Variants in XPO1 observed in about 807,000 individuals in gnomAD.
XPO1 encodes exportin-1.
Under a neutral mutation model 133.3 loss-of-function variants are expected in XPO1, and 5 were observed. That is an observed-to-expected ratio of 0.04 (90% CI 0.02 to 0.08). The LOEUF (loss-of-function observed/expected upper bound fraction) is 0.08. Ranked by LOEUF, XPO1 falls within the 10% of genes least tolerant of loss-of-function variation. The pLI is 1.00. For synonymous variants in XPO1, 419 were observed against 408.2 expected, an observed-to-expected ratio of 1.03 and a Z score of -0.32; for missense variants, 506 against 1,267.5, an observed-to-expected ratio of 0.40 and a Z score of 9.12.
At chr2:61,533,478 A>T (rs1699245882) in intron 2 of XPO1, among the ~76,000 whole-genome samples, 1 of 152,220 alleles carries the variant, frequency 6.6e-6, no homozygotes, top group Non-Finnish European at 1.5e-5. Context: ...TATTAGTGCC[A>T]AACATATTAA....
intron 3 of XPO1, chr2:61,525,838 G>A (rs1698886073): frequency 9.6e-7 from 1 of 1,042,874 alleles, no homozygotes; most frequent in South Asian, 4.6e-5. Context: ...GTATTAAACA[G>A]AATGCCATAG....
intron 12 of XPO1, chr2:61,493,448 A>C: frequency 5.2e-6 from 1 of 192,616 alleles, no homozygotes; most frequent in Non-Finnish European, 1.1e-5. Flanking sequence ...TCAAGATTGT[A>C]GTGAGCTATG....
At position 61,499,769 on chromosome 2, in the gene XPO1, T is replaced by C. The variant is rs1019990506; in HGVS notation, c.534A>G (p.Val178=). The change falls in exon 7 of 25, where the codon GTA becomes GTG. Residue 178 remains valine, a synonymous_variant. Coordinates refer to ENST00000401558, the MANE Select transcript of XPO1 (RefSeq NM_003400.4). The part of the protein sequence containing the change: ...MVILKLLSEE[V]FDFSSGQITQ... The stretch of plus-strand genomic sequence containing the variant: ...TTATCTGTCCACTAGAGAAATCAAA[T>C]ACTTCTTCACTCAAGAGTTTAAGAA... The C allele has an allele frequency of 9.3e-5, 150 of 1,611,570 alleles. 9 individuals carry two copies. Among genetic ancestry groups the C allele is most frequent in the African/African-American group, 1.3e-5 (1 of 74,856 alleles).
intron 17 of XPO1, among the ~76,000 whole-genome samples, chr2:61,489,701 G>A (rs1406336997): frequency 1.3e-5 from 2 of 149,298 alleles, no homozygotes; most frequent in South Asian, 2.1e-4. Context: ...ACTTACAGGC[G>A]CCCGCCGCCA....
chr2:61,537,555 G>T lies in XPO1; in HGVS notation c.-7+7C>A. ...GACCCTCGGCCCCGAAGACACAGTC[G>T]ACTTACCCAGAGATTGAACCAACTG... On this transcript the variant is annotated splice_region_variant and intron_variant, in intron 1 of 24. Transcript: ENST00000401558. 1 of 150,434 alleles carries T rather than the reference G, an allele frequency of 6.6e-6. No individual in the cohort carries two copies. The highest frequency in any genetic ancestry group is 1.8e-4 in the South Asian group (1 of 5,450). The allele number at this position is 150,434 out of a possible 1,614,324, so 9.3% of individuals were successfully genotyped here. A position where few individuals can be genotyped will look rare whatever the true frequency, so the allele number is the denominator to read the frequency against.
chr2:61,510,176 C>G (rs571743939), intron 4 of XPO1, among the ~76,000 whole-genome samples: 67 of 152,210 alleles, frequency 4.4e-4, no homozygotes, highest in African/African-American at 1.6e-3. Context: ...ACTCTGGAGG[C>G]TGAGGCACAA....
At chr2:61,483,868 A>G (rs1004005335) in intron 21 of XPO1, 69 bp downstream of exon 21, 106 of 1,527,472 alleles carry the variant, frequency 6.9e-5, no homozygotes, top group Non-Finnish European at 8.9e-5. Flanking sequence ...ATACCTTCCT[A>G]TGTACAATTA....
chr2:61,507,659 C>T (rs1697894760), intron 4 of XPO1, among the ~76,000 whole-genome samples: 1 of 152,100 alleles, frequency 6.6e-6, no homozygotes, highest in Non-Finnish European at 1.5e-5. Context: ...GGGCAGATCA[C>T]GTGAGGCCAG....
At chr2:61,515,942 CACA>C (rs1698363825) in intron 4 of XPO1, among the ~76,000 whole-genome samples, 4 of 48,572 alleles carry the variant, frequency 8.2e-5, no homozygotes, top group African/African-American at 1.9e-4. Context: ...AAAAACCACA[CACA>C]CACACACACA....
At chr2:61,490,243 G>C (rs901113481) in intron 17 of XPO1, among the ~76,000 whole-genome samples, 1 of 144,508 alleles carries the variant, frequency 6.9e-6, no homozygotes, top group African/African-American at 2.6e-5. Context: ...CTGTCGTCTC[G>C]GCTAGAGAAC....
chr2:61,506,481 C>T (rs1486552670), intron 4 of XPO1, among the ~76,000 whole-genome samples: 1 of 151,278 alleles, frequency 6.6e-6, no homozygotes, highest in Non-Finnish European at 1.5e-5. Context: ...TGCCTGTAAT[C>T]CCAGCTACCT....
Position 61,492,594 on chromosome 2 carries a change from T to C in XPO1, c.1539A>G (p.Glu513=), listed in dbSNP as rs370540712. Residue 513 remains glutamate, a synonymous_variant, in exon 14 of 25, where the codon GAA becomes GAG. Transcript: ENST00000401558. The surrounding 1 kb of genome is among the most constrained non-coding windows in gnomAD (Gnocchi z 5.6). The stretch of plus-strand genomic sequence containing the variant: ...TTATAACAGTAACAAGAAATCGTTT[T>C]TCGTCCTCTTCATGCATTGCTCCAC... ...SISGAMHEED[E]KRFLVTVIKD... is the part of the protein sequence containing the mutation. The C allele has an allele frequency of 5.6e-6, 9 of 1,612,454 alleles. No homozygotes were observed. The highest frequency in any genetic ancestry group is 7.6e-6 in the Non-Finnish European group (9 of 1,179,592).
intron 6 of XPO1, among the ~76,000 whole-genome samples, chr2:61,501,788 C>G (rs567601675): frequency 7.9e-5 from 12 of 151,298 alleles, no homozygotes; most frequent in Non-Finnish European, 1.5e-4. Context: ...ACACTGCAGC[C>G]ACATAAATGA....
At chr2:61,508,199 T>A (rs1005945297) in intron 4 of XPO1, among the ~76,000 whole-genome samples, 5 of 152,082 alleles carry the variant, frequency 3.3e-5, no homozygotes, top group Non-Finnish European at 7.3e-5. Flanking sequence ...CTATCTCTAC[T>A]GCGGGAGGCT....
At chr2:61,508,493 A>G (rs1697933479) in intron 4 of XPO1, among the ~76,000 whole-genome samples, 1 of 152,224 alleles carries the variant, frequency 6.6e-6, no homozygotes, top group Admixed American at 6.5e-5. Context: ...TAAACTTGCA[A>G]CTGCATAGTA....
chr2:61,486,988 T>G (rs958977133), intron 19 of XPO1, among the ~76,000 whole-genome samples: 4 of 147,314 alleles, frequency 2.7e-5, no homozygotes, highest in African/African-American at 9.9e-5. Flanking sequence ...TTCTTGTTCT[T>G]TTTTTTTTTT....
chr2:61,495,640 T>C, intron 10 of XPO1, 27 bp from the exon 11 acceptor site: 1 of 1,529,058 alleles, frequency 6.5e-7, no homozygotes, highest in Non-Finnish European at 8.8e-7. Flanking sequence ...GGACGATCAG[T>C]TCGCATTTTA....
intron 4 of XPO1, among the ~76,000 whole-genome samples, chr2:61,504,198 A>T (rs1697684309): frequency 6.6e-6 from 1 of 152,252 alleles, no homozygotes; most frequent in South Asian, 2.1e-4. Flanking sequence ...CTCTTTACTT[A>T]TGGATCTCTT....
chr2:61,481,656 G>A (rs1696365604), intron 23 of XPO1, among the ~76,000 whole-genome samples: 2 of 151,498 alleles, frequency 1.3e-5, no homozygotes, highest in African/African-American at 4.9e-5. Flanking sequence ...TGTTGGTCAG[G>A]CAAATCTCAA....
Sources: gnomAD v4.1 joint callset for allele counts (sites outside exome capture counted in the v4.1 genomes callset) on GRCh38, gnomAD v4.1.1 for gene constraint, Gnocchi (gnomAD v3.1) non-coding constraint, MANE v1.5 for transcripts, NCBI Gene and HGNC (gene_info 2026-07-23, HGNC 2026-07-21) for gene names.